The following GRID1 variants were observed in gnomAD, a reference collection of about 807,000 sequenced individuals.
The protein encoded by GRID1 is glutamate ionotropic receptor delta type subunit 1.
Under a neutral mutation model 98.0 loss-of-function variants are expected in GRID1, and 28 were observed. That is an observed-to-expected ratio of 0.29 (90% CI 0.21 to 0.39). The LOEUF (loss-of-function observed/expected upper bound fraction) is 0.39, where lower values mean the gene tolerates loss of function less well. GRID1 is among the 10% of genes least tolerant of loss of function. GRID1 has a pLI of 1.00. For missense variants in GRID1, 1,111 were observed against 1,340.5 expected (o/e 0.83, Z 2.67); for synonymous variants, 553 against 538.5 (o/e 1.03, Z -0.37).
At chr10:86,069,689 T>A (rs977019767) in intron 4 of GRID1, among the ~76,000 whole-genome samples, 1 of 152,134 alleles carries the variant, frequency 6.6e-6, no homozygotes, top group Non-Finnish European at 1.5e-5. Context: ...TTCCCCGACA[T>A]CCTGAACGGC....
chr10:86,141,557 G>A (rs1328144933), intron 3 of GRID1, among the ~76,000 whole-genome samples: 2 of 152,216 alleles, frequency 1.3e-5, no homozygotes, highest in African/African-American at 4.8e-5. Context: ...CAGCTGTGCT[G>A]GGCACATAAC....
intron 6 of GRID1, among the ~76,000 whole-genome samples, chr10:85,858,895 A>T (rs1843138831): frequency 6.6e-6 from 1 of 152,192 alleles, no homozygotes; most frequent in African/African-American, 2.4e-5. Context: ...ATTCACAATC[A>T]ATTAAGGTAC....
intron 4 of GRID1, among the ~76,000 whole-genome samples, chr10:86,018,718 T>C (rs1021513772): frequency 2.0e-5 from 3 of 152,214 alleles, no homozygotes; most frequent in African/African-American, 7.2e-5. Flanking sequence ...CGGGGAGCTC[T>C]GGCCTGTGGT....
chr10:85,957,930 G>C (rs1221280313), intron 4 of GRID1, among the ~76,000 whole-genome samples: 1 of 152,228 alleles, frequency 6.6e-6, no homozygotes, highest in African/African-American at 2.4e-5. Flanking sequence ...CAAGCTGCAA[G>C]TAAGGACCTT....
chr10:85,736,274 GGGA>G (rs1418320647), intron 8 of GRID1, among the ~76,000 whole-genome samples: 1 of 149,394 alleles, frequency 6.7e-6, no homozygotes, highest in Admixed American at 6.7e-5. Flanking sequence ...GAGAGAAGGA[GGGA>G]GGAGGGGAGA....
intron 4 of GRID1, among the ~76,000 whole-genome samples, chr10:86,131,133 A>G (rs111699493): frequency 1.0e-3 from 154 of 152,134 alleles, no homozygotes; most frequent in African/African-American, 3.2e-3. Flanking sequence ...ATTCATACCA[A>G]TTTAGATAAT....
Position 85,869,184 on chromosome 10 carries a change from G to C in GRID1, c.781-4C>G. On this transcript the variant is annotated splice_polypyrimidine_tract_variant and splice_region_variant and intron_variant, in intron 5 of 15. Coordinates refer to ENST00000327946, the MANE Select transcript of GRID1 (RefSeq NM_017551.3). Reference sequence around the variant, plus strand: ...GGATCTCCGGGTCACTGATTTCCTAGAAAAATAACCAGGCCCATGCTTACC... The same window carrying C: ...GGATCTCCGGGTCACTGATTTCCTACAAAAATAACCAGGCCCATGCTTACC... 1 of 1,612,410 alleles carries C rather than the reference G, an allele frequency of 6.2e-7. No individual in the cohort carries two copies. Among genetic ancestry groups the C allele is most frequent in the Non-Finnish European group, 8.5e-7 (1 of 1,178,482 alleles).
chr10:86,270,682 TCC>T (rs1339797718), intron 2 of GRID1, among the ~76,000 whole-genome samples: 2 of 151,948 alleles, frequency 1.3e-5, no homozygotes, highest in Non-Finnish European at 2.9e-5. Flanking sequence ...AGAGCGAGAC[TCC>T]GTCTCAAAAA....
chr10:86,044,602 A>C (rs1843394963), intron 4 of GRID1, among the ~76,000 whole-genome samples: 1 of 152,186 alleles, frequency 6.6e-6, no homozygotes, highest in Admixed American at 6.5e-5. Flanking sequence ...TACTCAAAAG[A>C]GGCACATCTA....
At chr10:86,340,639 C>T (rs1848297725) in intron 2 of GRID1, among the ~76,000 whole-genome samples, 1 of 152,164 alleles carries the variant, frequency 6.6e-6, no homozygotes, top group Non-Finnish European at 1.5e-5. Context: ...TTTCTCTAGA[C>T]CATAGAAGTC....
intron 5 of GRID1, among the ~76,000 whole-genome samples, chr10:85,877,328 A>G (rs1050657225): frequency 6.8e-4 from 104 of 152,330 alleles, no homozygotes; most frequent in African/African-American, 2.2e-3. Context: ...CTGACCCCCG[A>G]GCAGCCTAAC....
chr10:86,146,526 G>A (rs1283903284), intron 3 of GRID1, among the ~76,000 whole-genome samples: 1 of 152,138 alleles, frequency 6.6e-6, no homozygotes, highest in Non-Finnish European at 1.5e-5. Context: ...TACCTGCTGT[G>A]GCTCCAATCA....
At chr10:86,270,556 G>A (rs1446862753) in intron 2 of GRID1, among the ~76,000 whole-genome samples, 1 of 152,058 alleles carries the variant, frequency 6.6e-6, no homozygotes, top group East Asian at 1.9e-4. Flanking sequence ...CAGGTGTGGT[G>A]GTGCGTGCCT....
intron 5 of GRID1, among the ~76,000 whole-genome samples, chr10:85,891,251 C>G (rs1564619710): frequency 6.6e-6 from 1 of 151,928 alleles, no homozygotes; most frequent in African/African-American, 2.4e-5. Context: ...AATTTAAAAT[C>G]CTAAAAAATT....
In GRID1 at chr10:85,685,867, T is replaced by A. The variant is rs569557687; in HGVS notation, c.1997+37136A>T. 6.0e-4 allele frequency among the ~76,000 whole-genome samples: 92 copies of A among 152,146 alleles called. 2 individuals carry two copies. Among genetic ancestry groups the A allele is most frequent in the African/African-American group, 2.1e-3 (86 of 41,534 alleles). On this transcript the variant is annotated intron_variant, in intron 12 of 15. Coordinates refer to ENST00000327946, the MANE Select transcript of GRID1 (RefSeq NM_017551.3). ...ATACTATTCATATTAACAATACAGA[T>A]GTTATGATACATAGTGATGTATTTA...
At chr10:85,773,275 C>A (rs919672754) in intron 8 of GRID1, among the ~76,000 whole-genome samples, 9 of 151,968 alleles carry the variant, frequency 5.9e-5, no homozygotes, top group East Asian at 1.9e-4. Context: ...ATTCAACAAC[C>A]CTTCATGCTA....
intron 4 of GRID1, among the ~76,000 whole-genome samples, chr10:86,100,959 G>A (rs761462984): frequency 2.0e-5 from 3 of 152,168 alleles, no homozygotes; most frequent in Non-Finnish European, 4.4e-5. Flanking sequence ...TGAGACTTGA[G>A]GCTGTTTGTT....
intron 3 of GRID1, among the ~76,000 whole-genome samples, chr10:86,172,060 T>C (rs1845496596): frequency 6.6e-6 from 1 of 152,156 alleles, no homozygotes; most frequent in South Asian, 2.1e-4. Flanking sequence ...TGGCTTATTA[T>C]ATTCAGACTC....
intron 3 of GRID1, among the ~76,000 whole-genome samples, chr10:86,175,802 C>A (rs1413582500): frequency 6.6e-6 from 1 of 152,154 alleles, no homozygotes; most frequent in Non-Finnish European, 1.5e-5. Context: ...CTCCGCCTCC[C>A]GGGTTCAAGC....
Sources: allele counts gnomAD v4.1 joint callset (sites outside exome capture counted in the v4.1 genomes callset), GRCh38; gene constraint gnomAD v4.1.1; transcripts MANE v1.5; gene names NCBI Gene and HGNC (gene_info 2026-07-23, HGNC 2026-07-21).